The following PCLO variants were observed in gnomAD, a reference collection of about 807,000 sequenced individuals.
PCLO encodes the protein protein piccolo.
Under a neutral mutation model 427.5 loss-of-function variants are expected in PCLO, and 82 were observed. The ratio of observed to expected loss-of-function variants is 0.19; its 90% CI spans 0.16 to 0.23. The LOEUF is 0.23. PCLO is among the 10% of genes least tolerant of loss of function. The pLI, the probability that PCLO is intolerant of heterozygous loss-of-function variation, is 1.00. For missense variants in PCLO, 6,239 were observed against 6,115.9 expected (o/e 1.02, Z -0.67); for synonymous variants, 2,357 against 2,155.4 (o/e 1.09, Z -2.59).
At chr7:83,080,191 T>C (rs1281007729) in intron 3 of PCLO, among the ~76,000 whole-genome samples, 1 of 152,168 alleles carries the variant, frequency 6.6e-6, no homozygotes, top group Non-Finnish European at 1.5e-5. Flanking sequence ...TACGCATGCA[T>C]GCATCTTTGT....
intron 10 of PCLO, among the ~76,000 whole-genome samples, chr7:82,876,520 G>T (rs118092993): frequency 6.9e-4 from 104 of 150,412 alleles, no homozygotes; most frequent in Non-Finnish European, 6.8e-4. Flanking sequence ...TAAATGTACT[G>T]GTCTAAACCA....
At chr7:82,957,709 T>G (rs1240449769) in intron 4 of PCLO, among the ~76,000 whole-genome samples, 1 of 152,232 alleles carries the variant, frequency 6.6e-6, no homozygotes, top group African/African-American at 2.4e-5. Context: ...TTAATCACAT[T>G]TATCTTCAGC....
At chr7:83,008,362 T>C (rs1252709932) in intron 3 of PCLO, among the ~76,000 whole-genome samples, 1 of 151,808 alleles carries the variant, frequency 6.6e-6, no homozygotes. Flanking sequence ...AAAGTTTTAA[T>C]AAGCTATAAC....
At chr7:83,027,250 G>A (rs374274543) in intron 3 of PCLO, among the ~76,000 whole-genome samples, 65,560 of 142,578 alleles carry the variant, frequency 0.46, 17,346 homozygotes, top group Middle Eastern at 0.68. Context: ...TCAAATAGAC[G>A]CAATAAAAAA....
intron 3 of PCLO, among the ~76,000 whole-genome samples, chr7:83,079,569 CCT>C (rs1790042984): frequency 6.6e-6 from 1 of 152,074 alleles, no homozygotes; most frequent in South Asian, 2.1e-4. Flanking sequence ...TTTCTGGAGG[CCT>C]CATCCTGGGA....
intron 10 of PCLO, among the ~76,000 whole-genome samples, chr7:82,867,698 A>G (rs1246853186): frequency 6.6e-6 from 1 of 152,222 alleles, no homozygotes; most frequent in African/African-American, 2.4e-5. Flanking sequence ...AAGTATGTCA[A>G]CCTTGATGAA....
chr7:82,832,223 T>C (rs1200180650), intron 16 of PCLO, among the ~76,000 whole-genome samples: 1 of 152,114 alleles, frequency 6.6e-6, no homozygotes, highest in African/African-American at 2.4e-5. Context: ...ATCTAAAACT[T>C]CACCCTCTTG....
At position 83,156,076 on chromosome 7, in the gene PCLO, T is replaced by C; in HGVS notation, c.565A>G (p.Thr189Ala). ...TGAACCACTTTTTGTTTCTTGGTGG[T>C]TTCTTCCTGGGATGCCTCAGAGTCT... ...ISDSEASQEETTKKQKVVQKE... is the reference protein window; with the variant it reads ...ISDSEASQEEATKKQKVVQKE... The change falls in exon 2 of 25, where the codon ACC becomes GCC. Residue 189 changes from threonine (T) to alanine (A), a missense_variant. By Grantham distance (58) the Thr-to-Ala change is moderately conservative. This residue lies in a region of PCLO where 4,677 missense variants were observed against 4,468.4 expected (regional missense o/e 1.05). Coordinates refer to ENST00000333891, the MANE Select transcript of PCLO (RefSeq NM_033026.6). 2 of 1,613,792 alleles carry C rather than the reference T, an allele frequency of 1.2e-6. No individual in the cohort carries two copies. Among genetic ancestry groups the C allele is most frequent in the South Asian group, 1.1e-5 (1 of 91,038 alleles).
intron 22 of PCLO, among the ~76,000 whole-genome samples, chr7:82,795,186 G>C (rs919100733): frequency 1.3e-5 from 2 of 152,050 alleles, no homozygotes; most frequent in African/African-American, 4.8e-5. Flanking sequence ...AATTATGGCA[G>C]AACTATTTGA....
intron 3 of PCLO, among the ~76,000 whole-genome samples, chr7:83,024,766 G>A (rs1788443474): frequency 6.6e-6 from 1 of 152,148 alleles, no homozygotes; most frequent in South Asian, 2.1e-4. Context: ...TCTGAGAACG[G>A]GCAGACTGCC....
intron 22 of PCLO, among the ~76,000 whole-genome samples, chr7:82,768,058 TAAG>T (rs1215517419): frequency 6.6e-6 from 1 of 151,880 alleles, no homozygotes; most frequent in Non-Finnish European, 1.5e-5. Flanking sequence ...ATTAATAAAA[TAAG>T]AAAGTGGAAG....
intron 10 of PCLO, among the ~76,000 whole-genome samples, chr7:82,863,546 T>C (rs1323630473): frequency 3.3e-5 from 5 of 152,076 alleles, no homozygotes; most frequent in South Asian, 4.2e-4. Context: ...CTTTAATAAA[T>C]AGAATTCAAT....
chr7:82,821,517 A>G, intron 20 of PCLO: 1 of 984,552 alleles, frequency 1.0e-6, no homozygotes, highest in Non-Finnish European at 1.2e-6. Context: ...ATCTATCTCC[A>G]TTGCCTGGCT....
chr7:82,962,754 G>T (rs535458070), intron 4 of PCLO, among the ~76,000 whole-genome samples: 1 of 151,882 alleles, frequency 6.6e-6, no homozygotes, highest in Non-Finnish European at 1.5e-5. Context: ...AAAGAATAAG[G>T]TTAGGGAGAT....
intron 1 of PCLO, among the ~76,000 whole-genome samples, chr7:83,160,902 A>G (rs1053553831): frequency 6.6e-6 from 1 of 152,306 alleles, no homozygotes; most frequent in Middle Eastern, 3.4e-3. Flanking sequence ...ATCCTGTGAA[A>G]GTCTACTGAA....
At chr7:83,043,907 ATTTTCTTTT>A (rs1789033114) in intron 3 of PCLO, among the ~76,000 whole-genome samples, 1 of 59,016 alleles carries the variant, frequency 1.7e-5, no homozygotes, top group African/African-American at 7.9e-5. Context: ...TATTACTATT[ATTTTCTTTT>A]TTTTTTTTTT....
At chr7:82,820,496 T>C (rs1441748721) in intron 20 of PCLO, 11 of 1,205,070 alleles carry the variant, frequency 9.1e-6, no homozygotes, top group African/African-American at 7.8e-5. Context: ...GAAATAAAGA[T>C]ACTTTATTTA....
At chr7:82,780,539 G>T (rs73706706) in intron 22 of PCLO, among the ~76,000 whole-genome samples, 1,770 of 150,550 alleles carry the variant, frequency 0.012, 44 homozygotes, top group African/African-American at 0.04. Flanking sequence ...GTTTTTGTTT[G>T]TTTTTGTTTG....
At chr7:82,911,491 CAA>C (rs1200208617) in intron 7 of PCLO, among the ~76,000 whole-genome samples, 7 of 151,668 alleles carry the variant, frequency 4.6e-5, no homozygotes, top group Admixed American at 3.9e-4. Flanking sequence ...AAGTAAAATA[CAA>C]ATAAGTTATT....
Sources: gnomAD v4.1 joint callset for allele counts (sites outside exome capture counted in the v4.1 genomes callset) on GRCh38, gnomAD v4.1.1 for gene constraint, gnomAD v4.1.1 regional missense constraint, MANE v1.5 for transcripts, NCBI Gene and HGNC (gene_info 2026-07-23, HGNC 2026-07-21) for gene names.